RUBCN: variants seen among roughly 807,000 people sequenced by gnomAD.
RUBCN encodes rubicon autophagy regulator, also known as run domain Beclin-1-interacting and cysteine-rich domain-containing protein.
In RUBCN, 74 loss-of-function variants were observed where a neutral mutation model predicts 113.2. The observed-to-expected ratio is 0.65, with a 90% CI of 0.54 to 0.79. The LOEUF is 0.79. Ranked by LOEUF, RUBCN falls within the 30% of genes least tolerant of loss-of-function variation. The probability of loss-of-function intolerance (pLI) is 0.00; values close to 1 mark genes in which losing one functional copy is unlikely to be tolerated. For synonymous variants in RUBCN, 480 were observed against 490.0 expected (o/e 0.98, Z 0.27); for missense variants, 1,109 against 1,251.7 (o/e 0.89, Z 1.72).
In RUBCN at chr3:197,735,783, G is replaced by A. The variant is rs560028941; in HGVS notation, c.65+872C>T. Among the ~76,000 whole-genome samples the A allele has an allele frequency of 2.6e-5, 4 of 152,036 alleles. No individual in the cohort carries two copies. In the East Asian group the frequency reaches 7.7e-4, roughly 29 times the overall value. On this transcript the variant is annotated intron_variant, in intron 1 of 19. Coordinates refer to ENST00000296343, the MANE Select transcript of RUBCN (RefSeq NM_014687.4). The stretch of plus-strand genomic sequence containing the variant: ...ATTTTTGTATTTTTGTAGAGACGGG[G>A]ATCTCCCTAGGTTACCCAGGCTGGT...
At position 197,670,921 on chromosome 3, in the gene RUBCN, C is replaced by T. The variant is rs138359965; in HGVS notation, c.*4097G>A. 6.3e-3 allele frequency among the ~76,000 whole-genome samples: 952 copies of T among 152,294 alleles called. 11 individuals are homozygous for T. Among genetic ancestry groups the T allele is most frequent in the African/African-American group, 0.022 (896 of 41,558 alleles). Reference sequence around the variant, plus strand: ...AGGGAGAAGACAGGAGATGAGGACACGCTCACTACTGCAGAGACTTGGTGA... The same window carrying T: ...AGGGAGAAGACAGGAGATGAGGACATGCTCACTACTGCAGAGACTTGGTGA... On this transcript the variant is annotated 3_prime_UTR_variant, in exon 20 of 20. Coordinates refer to ENST00000296343, the MANE Select transcript of RUBCN (RefSeq NM_014687.4).
At chr3:197,708,553 TCAAAA>T (rs1724586863) in intron 2 of RUBCN, among the ~76,000 whole-genome samples, 1 of 63,926 alleles carries the variant, frequency 1.6e-5, no homozygotes, top group African/African-American at 7.0e-5. Flanking sequence ...AGTGGTAGAC[TCAAAA>T]AAAAAAAAAA....
intron 14 of RUBCN, 103 bp downstream of exon 14, chr3:197,682,367 G>T: frequency 7.3e-7 from 1 of 1,370,432 alleles, no homozygotes; most frequent in Non-Finnish European, 1.0e-6. Context: ...AGAACGGTGT[G>T]GGAAGGACAG....
intron 7 of RUBCN, chr3:197,699,371 A>G: frequency 1.6e-6 from 1 of 624,358 alleles, no homozygotes; most frequent in Non-Finnish European, 2.9e-6. Context: ...TGAAGGACGG[A>G]TGGCTTGTCC....
chr3:197,699,772 A>G (rs1723430255), intron 7 of RUBCN, among the ~76,000 whole-genome samples: 1 of 152,218 alleles, frequency 6.6e-6, no homozygotes, highest in South Asian at 2.1e-4. Flanking sequence ...AAGCAACGCT[A>G]TCTCCAGTTG....
intron 1 of RUBCN, among the ~76,000 whole-genome samples, chr3:197,728,468 G>C (rs1727006836): frequency 6.6e-6 from 1 of 152,188 alleles, no homozygotes; most frequent in Non-Finnish European, 1.5e-5. Flanking sequence ...ACAGGGACGG[G>C]AAAGAAAGAA....
upstream of RUBCN, chr3:197,736,977 C>T (rs977957795): frequency 2.4e-6 from 3 of 1,265,972 alleles, no homozygotes; most frequent in Admixed American, 4.5e-5. Flanking sequence ...CAGGACGCGT[C>T]CTCCAATCCC....
At chr3:197,703,515 G>C (rs1308823680) in intron 5 of RUBCN, 33 bp downstream of exon 5, 19 of 1,390,486 alleles carry the variant, frequency 1.4e-5, no homozygotes, top group Non-Finnish European at 1.0e-6. Flanking sequence ...CAGGGACCCA[G>C]CATAGACGTG....
At chr3:197,703,713 T>C (rs1300478785) in intron 4 of RUBCN, 59 bp from the exon 5 acceptor site, 15 of 1,067,076 alleles carry the variant, frequency 1.4e-5, no homozygotes, top group Non-Finnish European at 2.0e-5. Flanking sequence ...TGAGAGAAGC[T>C]TGAGGAAGCA....
intron 1 of RUBCN, among the ~76,000 whole-genome samples, chr3:197,728,466 G>A (rs992196706): frequency 3.9e-5 from 6 of 152,102 alleles, no homozygotes; most frequent in Non-Finnish European, 7.3e-5. Flanking sequence ...AAACAGGGAC[G>A]GGAAAGAAAG....
intron 1 of RUBCN, among the ~76,000 whole-genome samples, chr3:197,733,908 T>C (rs111957224): frequency 0.014 from 2,124 of 152,314 alleles, 35 homozygotes; most frequent in South Asian, 0.043. Flanking sequence ...CACTATCTTA[T>C]ACTTCCGTTG....
rs959813097 is a variant in RUBCN at position 197,669,297 on chromosome 3, G to A, written c.*5721C>T. Among the ~76,000 whole-genome samples the A allele has an allele frequency of 2.0e-5, 3 of 151,904 alleles. No individual in the cohort carries two copies. The highest frequency in any genetic ancestry group is 7.3e-5 in the African/African-American group (3 of 41,306). On this transcript the variant is annotated 3_prime_UTR_variant, in exon 20 of 20. Transcript: ENST00000296343. ...TTCACTAATATCCTTTCTCCATTTCGGGATCCCACCCGGGATCCCACATGG... is the reference window on the plus strand; with the variant it reads ...TTCACTAATATCCTTTCTCCATTTCAGGATCCCACCCGGGATCCCACATGG...
At chr3:197,686,507 G>A (rs118132288) in intron 11 of RUBCN, among the ~76,000 whole-genome samples, 1 of 152,320 alleles carries the variant, frequency 6.6e-6, no homozygotes, top group East Asian at 1.9e-4. Flanking sequence ...CAAGGACCAC[G>A]CAGCTCTGCG....
rs1719774115 is a variant in RUBCN at position 197,671,368 on chromosome 3, TAATGTATGATCAAG to T, written c.*3636_*3649del. 6.6e-6 allele frequency: 1 copy of T among 151,972 alleles called. No homozygotes were observed. Among genetic ancestry groups the T allele is most frequent in the South Asian group, 2.1e-4 (1 of 4,820 alleles). The allele number at this position is 151,972 out of a possible 1,614,324, so 9.4% of individuals were successfully genotyped here. ...TTCCACTGAGGCGCAGGGAGGAAAA[TAATGTATGATCAAG>T]AACACCTGAATTTGTGTGCTAGTGG... On this transcript the variant is annotated 3_prime_UTR_variant, in exon 20 of 20. Coordinates refer to ENST00000296343, the MANE Select transcript of RUBCN (RefSeq NM_014687.4).
At position 197,669,153 on chromosome 3, in the gene RUBCN, C is replaced by T. The variant is rs1580104599; in HGVS notation, c.*5865G>A. ...ACATAGCCCTCACCCGATTTCAGCT[C>T]TCCCTAATGTTACCATCTTACATTA... On this transcript the variant is annotated 3_prime_UTR_variant, in exon 20 of 20. Coordinates refer to ENST00000296343, the MANE Select transcript of RUBCN (RefSeq NM_014687.4). Among the ~76,000 whole-genome samples the T allele has an allele frequency of 1.3e-5, 2 of 152,356 alleles. No homozygotes were observed. Among genetic ancestry groups the T allele is most frequent in the Non-Finnish European group, 2.9e-5 (2 of 68,042 alleles).
chr3:197,736,898 C>G lies in RUBCN; in HGVS notation c.-179G>C. The stretch of plus-strand genomic sequence containing the variant: ...GCCGCCTGGGCTGCGGCTTCTATCC[C>G]GGCCACCCCCACTTCCGGCTCCGGG... On this transcript the variant is annotated 5_prime_UTR_variant, in exon 1 of 20. Transcript: ENST00000296343. 7.3e-7 allele frequency: 1 copy of G among 1,363,734 alleles called. No individual in the cohort carries two copies. Among genetic ancestry groups the G allele is most frequent in the Non-Finnish European group, 9.4e-7 (1 of 1,065,414 alleles). The allele number at this position is 1,363,734 out of a possible 1,614,324, so 84.5% of individuals were successfully genotyped here.
rs753488936 is a variant in RUBCN, at chr3:197,700,774, G to C, written c.1100C>G (p.Ser367Cys). The change falls in exon 7 of 20, where the codon TCT becomes TGT. Residue 367 changes from serine to cysteine, a missense_variant. Around this residue, in one of 3 missense-constraint regions of RUBCN, gnomAD observed 736 missense variants for 779.6 expected, o/e 0.94. Transcript: ENST00000296343. Reference protein sequence around the residue: ...SSSQKPDSAASSLGDQEGGGE... With the variant: ...SSSQKPDSAACSLGDQEGGGE... ...ACCTCCTTCCTGGTCCCCTAAGGAA[G>C]AGGCAGCAGAATCTGGCTTCTGGGA... 17 of 1,614,212 alleles carry C rather than the reference G, an allele frequency of 1.1e-5. No homozygotes were observed. Among genetic ancestry groups the C allele is most frequent in the Non-Finnish European group, 1.4e-5 (17 of 1,180,034 alleles).
chr3:197,720,028 G>A (rs904210766), intron 1 of RUBCN, among the ~76,000 whole-genome samples: 1 of 151,854 alleles, frequency 6.6e-6, no homozygotes, highest in Non-Finnish European at 1.5e-5. Flanking sequence ...TACTCCTTCT[G>A]TCTAACTGTC....
upstream of RUBCN, among the ~76,000 whole-genome samples, chr3:197,739,627 A>G (rs1728437841): frequency 6.6e-6 from 1 of 151,990 alleles, no homozygotes; most frequent in Non-Finnish European, 1.5e-5. Flanking sequence ...TGAACCCGGG[A>G]GGCGGAGCTT....
Sources: gnomAD v4.1 joint callset for allele counts (sites outside exome capture counted in the v4.1 genomes callset) on GRCh38, gnomAD v4.1.1 for gene constraint, gnomAD v4.1.1 regional missense constraint, MANE v1.5 for transcripts, NCBI Gene and HGNC (gene_info 2026-07-23, HGNC 2026-07-21) for gene names.